Variants in KIAA0513 observed in about 807,000 individuals in gnomAD.
KIAA0513 encodes uncharacterized protein KIAA0513.
In KIAA0513, 39 loss-of-function variants were observed where a neutral mutation model predicts 56.5. The observed-to-expected ratio is 0.69, with a 90% confidence interval of 0.53 to 0.90. The LOEUF is 0.90. Among genes scored for constraint, KIAA0513 ranks in the 40% least tolerant of loss-of-function variants. The pLI, the probability that KIAA0513 is intolerant of heterozygous loss-of-function variation, is 0.00. For missense variants in KIAA0513, 591 were observed against 535.2 expected (o/e 1.10, Z -1.03); for synonymous variants, 268 against 215.6 (o/e 1.24, Z -2.13).
intron 1 of KIAA0513, among the ~76,000 whole-genome samples, chr16:85,064,954 G>T (rs558902227): frequency 9.8e-5 from 15 of 152,318 alleles, no homozygotes; most frequent in African/African-American, 2.9e-4. Flanking sequence ...CAAAGTGCTG[G>T]GATAACAGGC....
chr16:85,083,739 G>A (rs1368297064), intron 10 of KIAA0513, among the ~76,000 whole-genome samples: 1 of 152,170 alleles, frequency 6.6e-6, no homozygotes, highest in Non-Finnish European at 1.5e-5. Flanking sequence ...ATCTCTGACC[G>A]GCCCCTGAGC....
intron 1 of KIAA0513, among the ~76,000 whole-genome samples, chr16:85,030,502 T>A (rs1181342844): frequency 2.0e-5 from 3 of 152,144 alleles, no homozygotes; most frequent in Non-Finnish European, 4.4e-5. Context: ...ATCCCAGCAC[T>A]TTGGGAGGCC....
At chr16:85,029,765 G>A (rs2072937323) in intron 1 of KIAA0513, among the ~76,000 whole-genome samples, 1 of 152,232 alleles carries the variant, frequency 6.6e-6, no homozygotes, top group Non-Finnish European at 1.5e-5. Flanking sequence ...TGCAAAGGCA[G>A]GAGTAAAAAC....
Position 85,093,807 on chromosome 16 carries a change from G to C in KIAA0513, c.*5482G>C, listed in dbSNP as rs550463395. ...GGCAAACGTTGGAACACTAGGAAAA[G>C]CTAGAAATTCAGACAACACACATGG... On this transcript the variant is annotated 3_prime_UTR_variant, in exon 13 of 13. Transcript: ENST00000683363. 9.8e-5 allele frequency: 15 copies of C among 152,426 alleles called. No individual in the cohort carries two copies. Among genetic ancestry groups the C allele is most frequent in the African/African-American group, 3.6e-4 (15 of 41,568 alleles). 9.4% of individuals were successfully genotyped at this position (152,426 alleles called of 1,614,324 possible).
At chr16:85,062,472 C>G (rs889019643) in intron 1 of KIAA0513, among the ~76,000 whole-genome samples, 1 of 152,126 alleles carries the variant, frequency 6.6e-6, no homozygotes, top group Admixed American at 6.5e-5. Flanking sequence ...GCTTCAGGCC[C>G]GCAGGCCAGC....
intron 8 of KIAA0513, chr16:85,079,239 C>G (rs866656408): frequency 9.9e-6 from 8 of 806,902 alleles, no homozygotes; most frequent in Middle Eastern, 7.8e-4. Context: ...AACAGTCTGG[C>G]AGTTCCTTTA....
Position 85,067,216 on chromosome 16 carries a change from G to A in KIAA0513, c.145G>A (p.Glu49Lys). Residue 49 changes from glutamate to lysine, a missense_variant, in exon 2 of 13, where the codon GAG (glutamate) becomes AAG (lysine). Coordinates refer to ENST00000683363, the MANE Select transcript of KIAA0513 (RefSeq NM_001388359.1). ...CGGTGCATCAGAGAGTGAGACCACT[G>A]AGTCTGCGGACAGTGAGAATGACAT... is the stretch of plus-strand genomic sequence containing the variant. ...GDGASESETT[E>K]SADSENDMGE... 3.1e-6 allele frequency: 5 copies of A among 1,614,198 alleles called. No individual in the cohort carries two copies. The highest frequency in any genetic ancestry group is 4.2e-6 in the Non-Finnish European group (5 of 1,180,016).
At chr16:85,061,590 A>C (rs2073405499) in intron 1 of KIAA0513, among the ~76,000 whole-genome samples, 3 of 152,188 alleles carry the variant, frequency 2.0e-5, no homozygotes, top group African/African-American at 4.8e-5. Flanking sequence ...CTTGAGGTTG[A>C]TGGGAAGGGG....
rs1312287746 is a variant in KIAA0513 at position 85,089,682 on chromosome 16, C to G, written c.*1357C>G. 1 of 152,388 alleles carries G rather than the reference C, an allele frequency of 6.6e-6. No homozygotes were observed. Among genetic ancestry groups the G allele is most frequent in the Non-Finnish European group, 1.5e-5 (1 of 68,126 alleles). 9.4% of individuals were successfully genotyped at this position (152,388 alleles called of 1,614,324 possible). ...CTCCCCTCCCGCCCTTCCTGGCTAC[C>G]TCCTCTGACATGCGGTCAGATAAGT... On this transcript the variant is annotated 3_prime_UTR_variant, in exon 13 of 13. Transcript: ENST00000683363. The surrounding 1 kb of genome is among the most constrained non-coding windows in gnomAD (Gnocchi z 4.2).
intron 10 of KIAA0513, among the ~76,000 whole-genome samples, chr16:85,084,429 CTTTTT>C (rs34048494): frequency 3.7e-5 from 2 of 53,990 alleles, no homozygotes. Context: ...TTTTCGTTCT[CTTTTT>C]TTTTTTTTTT....
intron 1 of KIAA0513, among the ~76,000 whole-genome samples, chr16:85,037,942 G>A (rs551368231): frequency 6.6e-6 from 1 of 152,312 alleles, no homozygotes; most frequent in East Asian, 1.9e-4. Flanking sequence ...GTTCTTGCTA[G>A]CATGCCAGTC....
chr16:85,062,363 C>T (rs1160340154), intron 1 of KIAA0513, among the ~76,000 whole-genome samples: 1 of 152,166 alleles, frequency 6.6e-6, no homozygotes, highest in East Asian at 1.9e-4. Context: ...TTGGAAGGTA[C>T]AGGTTGACTT....
chr16:85,088,073 G>T (rs1434757480), intron 12 of KIAA0513, among the ~76,000 whole-genome samples: 2 of 152,264 alleles, frequency 1.3e-5, no homozygotes, highest in Non-Finnish European at 1.5e-5. Flanking sequence ...CTGGCCAAGA[G>T]GCTGTGTGTG....
At chr16:85,055,943 C>G (rs1284029256) in intron 1 of KIAA0513, among the ~76,000 whole-genome samples, 1 of 152,226 alleles carries the variant, frequency 6.6e-6, no homozygotes, top group Non-Finnish European at 1.5e-5. Flanking sequence ...GCGGGGCAAT[C>G]TGTGCTTTTT....
intron 1 of KIAA0513, among the ~76,000 whole-genome samples, chr16:85,046,826 A>C (rs185045618): frequency 3.9e-5 from 6 of 152,272 alleles, no homozygotes; most frequent in African/African-American, 1.4e-4. Flanking sequence ...GAGACTTCTC[A>C]TCATTCCCTT....
In KIAA0513 at chr16:85,067,062, C is replaced by T. The variant is rs925817017; in HGVS notation, c.-10C>T. 4.5e-6 allele frequency: 7 copies of T among 1,549,734 alleles called. No homozygotes were observed. The highest frequency in any genetic ancestry group is 2.3e-5 in the East Asian group (1 of 44,202). ...CCTCCAGGCAGCCTCACCAGCAGCTCCCCTGAGCCATGGAGACCCCAGAGG... is the reference window on the plus strand; with the variant it reads ...CCTCCAGGCAGCCTCACCAGCAGCTTCCCTGAGCCATGGAGACCCCAGAGG... On this transcript the variant is annotated 5_prime_UTR_variant, in exon 2 of 13. Coordinates refer to ENST00000683363, the MANE Select transcript of KIAA0513 (RefSeq NM_001388359.1).
chr16:85,066,615 G>A (rs2073485216), intron 1 of KIAA0513, among the ~76,000 whole-genome samples: 1 of 152,186 alleles, frequency 6.6e-6, no homozygotes, highest in South Asian at 2.1e-4. Flanking sequence ...TCCTGGCGAT[G>A]GGCTCAGTCT....
chr16:85,055,052 A>C (rs964568938), intron 1 of KIAA0513, among the ~76,000 whole-genome samples: 3 of 151,064 alleles, frequency 2.0e-5, no homozygotes, highest in Admixed American at 2.0e-4. Flanking sequence ...CCTCCCGAGT[A>C]GCTGGGACTA....
At chr16:85,088,228 C>G in intron 12 of KIAA0513, 48 bp from the exon 13 acceptor site, 6 of 1,548,474 alleles carry the variant, frequency 3.9e-6, no homozygotes, top group African/African-American at 1.4e-5. Context: ...ATATACCTGT[C>G]CCTGTCACTG....
Sources: gnomAD v4.1 joint callset for allele counts (sites outside exome capture counted in the v4.1 genomes callset) on GRCh38, gnomAD v4.1.1 for gene constraint, Gnocchi (gnomAD v3.1) non-coding constraint, MANE v1.5 for transcripts, NCBI Gene and HGNC (gene_info 2026-07-23, HGNC 2026-07-21) for gene names.